The following PI4K2A variants were observed in gnomAD, a reference collection of about 807,000 sequenced individuals.
The protein encoded by PI4K2A is phosphatidylinositol 4-kinase type 2-alpha.
Under a neutral mutation model 55.0 loss-of-function variants are expected in PI4K2A, and 20 were observed. That is an observed-to-expected ratio of 0.36 (90% CI 0.26 to 0.53). The LOEUF is 0.53. Among genes scored for constraint, PI4K2A ranks in the 20% least tolerant of loss-of-function variants. PI4K2A has a pLI of 0.91. For synonymous variants in PI4K2A, 235 were observed against 258.5 expected (o/e 0.91, Z 0.87); for missense variants, 463 against 637.1 (o/e 0.73, Z 2.94).
rs1421047283 is a variant in PI4K2A, at chr10:97,656,547, A to C, written c.768+131A>C. On this transcript the variant is annotated intron_variant, in intron 3 of 8. Transcript: ENST00000370631. This position sits in a 1 kb window ranked among gnomAD's most constrained non-coding sequence, Gnocchi z 4.5. ...CTGCCCTGAGGATCCTGTCTTCCTT[A>C]TTTCTGTCAAGTGGCTAAGGTTTGA... 5.8e-6 allele frequency: 5 copies of C among 864,074 alleles called. No homozygotes were observed. Among genetic ancestry groups the C allele is most frequent in the African/African-American group, 1.7e-5 (1 of 59,192 alleles). 53.5% of individuals were successfully genotyped at this position (864,074 alleles called of 1,614,324 possible).
At chr10:97,640,922 A>G (rs913482462) in exon 1 of PI4K2A, 13 of 1,326,936 alleles carry the variant, frequency 9.8e-6, no homozygotes, top group South Asian at 2.1e-5. Flanking sequence ...AGCGGCAGCC[A>G]CTGTTGGATC....
chr10:97,661,878 G>T, intron 4 of PI4K2A, among the ~76,000 whole-genome samples: 1 of 148,032 alleles, frequency 6.8e-6, no homozygotes, highest in African/African-American at 2.5e-5. Context: ...TTTGAGGCAG[G>T]GTCTCACTCT....
At position 97,643,749 on chromosome 10, in the gene PI4K2A, T is replaced by A. The variant is rs148389233; in HGVS notation, c.435+2572T>A. Among the ~76,000 whole-genome samples, 418 of 152,352 alleles carry A rather than the reference T, an allele frequency of 2.7e-3. 3 individuals are homozygous for A. The highest frequency in any genetic ancestry group is 9.7e-3 in the African/African-American group (404 of 41,574). On this transcript the variant is annotated intron_variant, in intron 1 of 8. Coordinates refer to ENST00000370631, the Ensembl canonical transcript of PI4K2A. Reference sequence around the variant, plus strand: ...GGGTTAGACTGGCCCACAGACTTACTGTAGTTGGAATTGTCATCTTTGGCT... The same window carrying A: ...GGGTTAGACTGGCCCACAGACTTACAGTAGTTGGAATTGTCATCTTTGGCT...
rs752278304 is a variant in PI4K2A at position 97,656,700 on chromosome 10, G to C, written c.769-121G>C. 5.4e-5 allele frequency: 48 copies of C among 887,850 alleles called. No homozygotes were observed. Among genetic ancestry groups the C allele is most frequent in the Non-Finnish European group, 7.9e-5 (44 of 558,248 alleles). 55.0% of individuals were successfully genotyped at this position (887,850 alleles called of 1,614,324 possible). On this transcript the variant is annotated intron_variant, in intron 3 of 8. Transcript: ENST00000370631. The surrounding 1 kb of genome is among the most constrained non-coding windows in gnomAD (Gnocchi z 4.5). ...CAAGAAATGAGGAAGTAAAGATCTTGAAAAGTTTTCCTTCTCTGATACAAA... is the reference window on the plus strand; with the variant it reads ...CAAGAAATGAGGAAGTAAAGATCTTCAAAAGTTTTCCTTCTCTGATACAAA...
intron 4 of PI4K2A, among the ~76,000 whole-genome samples, chr10:97,661,084 C>T (rs1217163741): frequency 3.3e-5 from 5 of 151,992 alleles, no homozygotes; most frequent in East Asian, 1.9e-4. Context: ...CTCCGCCTCC[C>T]GGGTTCACAC....
At chr10:97,666,466 G>C in exon 7 of PI4K2A, 1 of 1,613,626 alleles carries the variant, frequency 6.2e-7, no homozygotes, top group Non-Finnish European at 8.5e-7. Context: ...GGTTGCCCCA[G>C]GCGAAAGTCC....
intron 8 of PI4K2A, among the ~76,000 whole-genome samples, chr10:97,673,342 T>G (rs1327787128): frequency 6.6e-6 from 1 of 152,208 alleles, no homozygotes; most frequent in African/African-American, 2.4e-5. Context: ...TTTTGTATCT[T>G]TACTAACTGG....
rs150893640 is a variant in PI4K2A, at chr10:97,643,890, G to A, written c.435+2713G>A. On this transcript the variant is annotated intron_variant, in intron 1 of 8. Transcript: ENST00000370631. ...TCTTTATAACCACCCTTGGAGGTAG[G>A]TACTGTTATTATCCCCGCAGGTGAC... Among the ~76,000 whole-genome samples the A allele has an allele frequency of 5.4e-3, 825 of 152,262 alleles. 6 individuals carry two copies. The highest frequency in any genetic ancestry group is 0.017 in the African/African-American group (717 of 41,526).
chr10:97,669,383 A>G (rs368712568), intron 8 of PI4K2A, among the ~76,000 whole-genome samples: 3 of 152,144 alleles, frequency 2.0e-5, no homozygotes, highest in African/African-American at 4.8e-5. Context: ...CCGTATTGCA[A>G]TGTCTTATCT....
intron 4 of PI4K2A, among the ~76,000 whole-genome samples, chr10:97,657,539 G>A (rs1176943707): frequency 6.6e-6 from 1 of 151,736 alleles, no homozygotes; most frequent in Non-Finnish European, 1.5e-5. Context: ...GTGGTGGCGG[G>A]CACCTGTAGT....
In PI4K2A at chr10:97,664,980, GGCATGTAA is replaced by G; in HGVS notation, c.1082_1084+5del. ...CACTGAAGCATCCTGACTCCTGGAG[GGCATGTAA>G]GTCTCCAGACAATGGTGGTCTGGCT... On this transcript the variant is annotated splice_donor_variant and splice_donor_region_variant and coding_sequence_variant and intron_variant, in exon 6 of 9. Coordinates refer to ENST00000370631, the Ensembl canonical transcript of PI4K2A. LOFTEE classifies it high-confidence loss of function. 6.2e-7 allele frequency: 1 copy of G among 1,603,108 alleles called. No homozygotes were observed. Among genetic ancestry groups the G allele is most frequent in the South Asian group, 1.1e-5 (1 of 90,750 alleles).
intron 5 of PI4K2A, among the ~76,000 whole-genome samples, chr10:97,664,427 T>C (rs2041600677): frequency 6.6e-6 from 1 of 152,240 alleles, no homozygotes; most frequent in Non-Finnish European, 1.5e-5. Context: ...CCAGCTGTTA[T>C]CTTCCGAGGC....
intron 5 of PI4K2A, among the ~76,000 whole-genome samples, chr10:97,663,346 C>T (rs1178334133): frequency 6.6e-6 from 1 of 152,148 alleles, no homozygotes; most frequent in Non-Finnish European, 1.5e-5. Context: ...ACCGCAAGTC[C>T]ACAGAACATA....
chr10:97,640,976 G>A (rs2041464779), exon 1 of PI4K2A: 2 of 1,525,116 alleles, frequency 1.3e-6, no homozygotes, highest in African/African-American at 2.8e-5. Flanking sequence ...AAACCGTGGC[G>A]GCGCAGGCCC....
chr10:97,656,939 G>A lies in PI4K2A; in HGVS notation c.887G>A (p.Arg296Gln), dbSNP rs758087717. The change falls in exon 4 of 9, where the codon CGG becomes CAG. Residue 296 changes from arginine to glutamine, a missense_variant. By Grantham distance (43) the Arg-to-Gln change is conservative. Coordinates refer to ENST00000370631, the Ensembl canonical transcript of PI4K2A. The surrounding 1 kb of genome is among the most constrained non-coding windows in gnomAD (Gnocchi z 4.5). ...CGGCAACTACTGCTCCAGTTTGAGC[G>A]GTTGGTGGTGCTGGATTACATCATC... 6.8e-6 allele frequency: 11 copies of A among 1,614,030 alleles called. No individual in the cohort carries two copies. The highest frequency in any genetic ancestry group is 5.3e-5 in the African/African-American group (4 of 74,916).
At chr10:97,673,635 C>G in exon 9 of PI4K2A, 1 of 1,614,072 alleles carries the variant, frequency 6.2e-7, no homozygotes, top group Non-Finnish European at 8.5e-7. Flanking sequence ...GCACCTCGTC[C>G]AGATGCCACC....
At chr10:97,666,601 C>T in intron 7 of PI4K2A, 30 bp downstream of exon 7, 2 of 1,563,022 alleles carry the variant, frequency 1.3e-6, no homozygotes, top group South Asian at 1.2e-5. Flanking sequence ...GCCCTATTAT[C>T]ATATGGGAGA....
At chr10:97,651,485 C>T (rs1265701320) in intron 2 of PI4K2A, among the ~76,000 whole-genome samples, 1 of 152,176 alleles carries the variant, frequency 6.6e-6, no homozygotes, top group East Asian at 1.9e-4. Flanking sequence ...TCTGAGCCAT[C>T]CCAGCATTTC....
At chr10:97,664,147 G>A (rs1403318492) in intron 5 of PI4K2A, among the ~76,000 whole-genome samples, 1 of 152,168 alleles carries the variant, frequency 6.6e-6, no homozygotes, top group African/African-American at 2.4e-5. Flanking sequence ...CTTTCCCTTA[G>A]AAACTGATTC....
Sources: allele counts gnomAD v4.1 joint callset (sites outside exome capture counted in the v4.1 genomes callset), GRCh38; gene constraint gnomAD v4.1.1; non-coding constraint Gnocchi (gnomAD v3.1); transcripts MANE v1.5; gene names NCBI Gene and HGNC (gene_info 2026-07-23, HGNC 2026-07-21).